Variants in SH3PXD2A observed in about 807,000 individuals in gnomAD.
SH3PXD2A encodes SH3 and PX domain-containing protein 2A.
Under a neutral mutation model 115.2 loss-of-function variants are expected in SH3PXD2A, and 32 were observed. The observed-to-expected ratio is 0.28, with a 90% CI of 0.21 to 0.37. The LOEUF is 0.37. Ranked by LOEUF, SH3PXD2A falls within the 10% of genes least tolerant of loss-of-function variation. The pLI is 1.00. For missense variants in SH3PXD2A, 1,328 were observed against 1,498.7 expected, an observed-to-expected ratio of 0.89 and a Z score of 1.88; for synonymous variants, 610 against 629.1, an observed-to-expected ratio of 0.97 and a Z score of 0.45.
chr10:103,724,790 C>CA (rs377474647), intron 4 of SH3PXD2A, among the ~76,000 whole-genome samples: 2,091 of 143,440 alleles, frequency 0.015, 47 homozygotes, highest in African/African-American at 0.048. Flanking sequence ...CTGACTTAAA[C>CA]AAAAAAAAAA....
intron 7 of SH3PXD2A, among the ~76,000 whole-genome samples, chr10:103,668,127 C>T (rs934101722): frequency 3.3e-5 from 5 of 152,246 alleles, no homozygotes; most frequent in Middle Eastern, 3.2e-3. Context: ...TGTCAGGGCC[C>T]GCTGCTCTCT....
intron 3 of SH3PXD2A, among the ~76,000 whole-genome samples, chr10:103,742,149 A>G (rs2038450924): frequency 6.6e-6 from 1 of 152,156 alleles, no homozygotes; most frequent in African/African-American, 2.4e-5. Context: ...ACTGTCTCAA[A>G]TCAAACAACA....
At chr10:103,621,587 ATGATACACCTCT>A (rs1263147942) in intron 10 of SH3PXD2A, among the ~76,000 whole-genome samples, 2 of 152,190 alleles carry the variant, frequency 1.3e-5, no homozygotes, top group African/African-American at 2.4e-5. Flanking sequence ...GCCAGTGTTT[ATGATACACCTCT>A]CTCTGTGCCG....
intron 3 of SH3PXD2A, chr10:103,736,780 C>T (rs2038385504): frequency 3.1e-6 from 4 of 1,289,334 alleles, no homozygotes; most frequent in South Asian, 1.2e-5. Context: ...GAAGTGCTCA[C>T]CTGTAGCTGT....
At chr10:103,832,028 C>G (rs989390650) in intron 1 of SH3PXD2A, among the ~76,000 whole-genome samples, 2 of 152,114 alleles carry the variant, frequency 1.3e-5, no homozygotes, top group African/African-American at 2.4e-5. Context: ...ATTTCATGGA[C>G]AGAAGCATTT....
chr10:103,825,446 T>G (rs543334534), intron 1 of SH3PXD2A, among the ~76,000 whole-genome samples: 45 of 152,338 alleles, frequency 3.0e-4, no homozygotes, highest in African/African-American at 1.0e-3. Flanking sequence ...GGTGTTTTAT[T>G]CTTTTTGATG....
chr10:103,671,173 C>G, intron 6 of SH3PXD2A, among the ~76,000 whole-genome samples: 1 of 152,208 alleles, frequency 6.6e-6, no homozygotes, highest in Non-Finnish European at 1.5e-5. Context: ...CCAAGAAGAC[C>G]TGCTTTGCTG....
intron 1 of SH3PXD2A, among the ~76,000 whole-genome samples, chr10:103,847,368 C>T (rs893371263): frequency 5.3e-5 from 8 of 151,982 alleles, no homozygotes; most frequent in African/African-American, 1.9e-4. Flanking sequence ...GGCTGGAGTG[C>T]AGTGGTGTGA....
At chr10:103,804,465 GCACCCGC>G (rs1372384018) in intron 1 of SH3PXD2A, among the ~76,000 whole-genome samples, 2 of 151,738 alleles carry the variant, frequency 1.3e-5, no homozygotes, top group East Asian at 3.9e-4. Flanking sequence ...GGGACTGCAG[GCACCCGC>G]CACCACGCCC....
At chr10:103,816,947 C>T (rs10748851) in intron 1 of SH3PXD2A, among the ~76,000 whole-genome samples, 82,998 of 150,212 alleles carry the variant, frequency 0.55, 24,416 homozygotes, top group East Asian at 0.69. Flanking sequence ...TCCTCTGCCT[C>T]AGCCTCCTGA....
chr10:103,810,515 T>C (rs949338549), intron 1 of SH3PXD2A, among the ~76,000 whole-genome samples: 14 of 152,168 alleles, frequency 9.2e-5, no homozygotes, highest in Admixed American at 2.0e-4. Flanking sequence ...ATCCACTTGA[T>C]GGATTTGAAT....
intron 3 of SH3PXD2A, among the ~76,000 whole-genome samples, chr10:103,743,353 G>A (rs752810823): frequency 6.6e-6 from 1 of 152,022 alleles, no homozygotes; most frequent in African/African-American, 2.4e-5. Context: ...ACTGAGGCTC[G>A]GTGATCCAAG....
rs1454584945 is a variant in SH3PXD2A, at chr10:103,781,495, AAT to A, written c.154-14328_154-14327del. ...AGGTCTGGGACCTGTGCAGAAAATA[AAT>A]ATGTTGAGTCACTGAGTTTGTTATA... On this transcript the variant is annotated intron_variant, in intron 2 of 14. Coordinates refer to ENST00000369774, the MANE Select transcript of SH3PXD2A (RefSeq NM_001394015.1). Among the ~76,000 whole-genome samples, 11 of 152,324 alleles carry A rather than the reference AAT, an allele frequency of 7.2e-5. No homozygotes were observed. In the East Asian group the frequency reaches 2.1e-3, roughly 29 times the overall value.
Position 103,756,601 on chromosome 10 carries a change from G to A in SH3PXD2A, c.229+10493C>T, listed in dbSNP as rs892281953. The stretch of plus-strand genomic sequence containing the variant: ...AAGGCTTCGGCCACCTCAGGGAGGA[G>A]GGAGGAAGTCCTTTCCCTTCACCCC... On this transcript the variant is annotated intron_variant, in intron 3 of 14. Transcript: ENST00000369774. This position sits in a 1 kb window ranked among gnomAD's most constrained non-coding sequence, Gnocchi z 4.4. Among the ~76,000 whole-genome samples the A allele has an allele frequency of 6.6e-6, 1 of 152,162 alleles. No individual in the cohort carries two copies. Among genetic ancestry groups the A allele is most frequent in the Non-Finnish European group, 1.5e-5 (1 of 68,024 alleles).
At chr10:103,767,260 C>A in intron 2 of SH3PXD2A, 91 bp from the exon 3 acceptor site, 1 of 918,706 alleles carries the variant, frequency 1.1e-6, no homozygotes, top group East Asian at 2.5e-5. Flanking sequence ...CTCCAGGGCC[C>A]CAGTGTCCTC....
intron 13 of SH3PXD2A, among the ~76,000 whole-genome samples, chr10:103,607,883 G>T (rs1012785795): frequency 1.3e-5 from 2 of 152,004 alleles, no homozygotes; most frequent in Non-Finnish European, 2.9e-5. Flanking sequence ...AACATGTGCT[G>T]TGTCCACTCA....
intron 8 of SH3PXD2A, among the ~76,000 whole-genome samples, chr10:103,656,828 C>A (rs1055311227): frequency 1.7e-3 from 188 of 111,764 alleles, no homozygotes; most frequent in East Asian, 2.3e-3. Flanking sequence ...AACTCCATCT[C>A]AAAAAAAAAA....
intron 8 of SH3PXD2A, among the ~76,000 whole-genome samples, chr10:103,638,978 C>T (rs943095855): frequency 1.6e-4 from 24 of 152,108 alleles, no homozygotes; most frequent in African/African-American, 3.4e-4. Flanking sequence ...GTGCCTGGCA[C>T]GGGTGGGGGT....
chr10:103,729,029 G>T (rs2038282011), intron 4 of SH3PXD2A, among the ~76,000 whole-genome samples: 1 of 152,048 alleles, frequency 6.6e-6, no homozygotes, highest in African/African-American at 2.4e-5. Context: ...GAGTAGGTGG[G>T]ATTTACAGGC....
Sources: gnomAD v4.1 joint callset for allele counts (sites outside exome capture counted in the v4.1 genomes callset) on GRCh38, gnomAD v4.1.1 for gene constraint, Gnocchi (gnomAD v3.1) non-coding constraint, MANE v1.5 for transcripts, NCBI Gene and HGNC (gene_info 2026-07-23, HGNC 2026-07-21) for gene names.